The following TRIM71 variants were observed in gnomAD, a reference collection of about 807,000 sequenced individuals.
The protein encoded by TRIM71 is tripartite motif containing 71.
A neutral mutation model predicts 61.2 loss-of-function variants in TRIM71; 9 were observed. The ratio of observed to expected loss-of-function variants is 0.15; its 90% CI spans 0.09 to 0.26. The LOEUF is 0.26. Among genes scored for constraint, TRIM71 ranks in the 10% least tolerant of loss-of-function variants. The pLI is 1.00. For missense variants in TRIM71, 998 were observed against 1,238.7 expected, an observed-to-expected ratio of 0.81 and a Z score of 2.92; for synonymous variants, 645 against 553.2, an observed-to-expected ratio of 1.17 and a Z score of -2.33.
intron 2 of TRIM71, among the ~76,000 whole-genome samples, chr3:32,880,587 C>T (rs1031676865): frequency 6.6e-6 from 1 of 152,094 alleles, no homozygotes; most frequent in Non-Finnish European, 1.5e-5. Flanking sequence ...CTGGATTGTC[C>T]TATAAAGAGA....
At chr3:32,851,247 A>AG (rs1696535558) in intron 1 of TRIM71, among the ~76,000 whole-genome samples, 1 of 152,190 alleles carries the variant, frequency 6.6e-6, no homozygotes, top group Non-Finnish European at 1.5e-5. Context: ...TGAAATTTGA[A>AG]TTTCAGGCTA....
At chr3:32,883,578 A>T (rs1696931116) in intron 2 of TRIM71, among the ~76,000 whole-genome samples, 1 of 152,204 alleles carries the variant, frequency 6.6e-6, no homozygotes, top group Admixed American at 6.5e-5. Flanking sequence ...TTAAGATTCA[A>T]CTTAATCTAC....
rs1289755821 is a variant in TRIM71 at position 32,892,205 on chromosome 3, T to A, written c.*394T>A. 1 of 175,778 alleles carries A rather than the reference T, an allele frequency of 5.7e-6. No homozygotes were observed. Among genetic ancestry groups the A allele is most frequent in the African/African-American group, 2.4e-5 (1 of 41,666 alleles). The allele number at this position is 175,778 out of a possible 1,614,324, so 10.9% of individuals were successfully genotyped here. On this transcript the variant is annotated 3_prime_UTR_variant, in exon 4 of 4. Coordinates refer to ENST00000383763, the MANE Select transcript of TRIM71 (RefSeq NM_001039111.3). ...TGGCTGGGAGGGCACTGGATGTGTG[T>A]GGTGGGGTGTATTCTGTAGATTGAG...
At chr3:32,882,755 T>C (rs990798771) in intron 2 of TRIM71, among the ~76,000 whole-genome samples, 2 of 152,166 alleles carry the variant, frequency 1.3e-5, no homozygotes, top group Middle Eastern at 3.2e-3. Flanking sequence ...TTGGCCAGGC[T>C]GATCTCAAAC....
At chr3:32,826,737 C>T (rs957795894) in intron 1 of TRIM71, among the ~76,000 whole-genome samples, 2 of 150,862 alleles carry the variant, frequency 1.3e-5, no homozygotes, top group African/African-American at 4.9e-5. Flanking sequence ...TGAGCCACCA[C>T]ACCCGGTCAG....
At chr3:32,847,396 C>T (rs970068470) in intron 1 of TRIM71, among the ~76,000 whole-genome samples, 2 of 152,022 alleles carry the variant, frequency 1.3e-5, no homozygotes, top group African/African-American at 4.8e-5. Flanking sequence ...GGTTTCTCCA[C>T]GTTGGTCAGG....
intron 1 of TRIM71, among the ~76,000 whole-genome samples, chr3:32,851,214 T>C (rs1042265940): frequency 3.3e-5 from 5 of 152,218 alleles, no homozygotes; most frequent in African/African-American, 1.2e-4. Flanking sequence ...TCTCACTTTT[T>C]AGAAAATTTC....
At chr3:32,830,708 A>T (rs1325922394) in intron 1 of TRIM71, among the ~76,000 whole-genome samples, 1 of 152,190 alleles carries the variant, frequency 6.6e-6, no homozygotes, top group Non-Finnish European at 1.5e-5. Flanking sequence ...GTTGGGTTTG[A>T]CCCTCAGAAG....
rs9873337 is a variant in TRIM71 at position 32,890,173 on chromosome 3, C to A, written c.1156-187C>A. On this transcript the variant is annotated intron_variant, in intron 3 of 3. Transcript: ENST00000383763. The surrounding 1 kb of genome is among the most constrained non-coding windows in gnomAD (Gnocchi z 6.2). ...AGTAACTATCCTCTGTAACCCAGAA[C>A]AGTTCTTCAGGTTTTTTGGTCCATT... Among the ~76,000 whole-genome samples, 1 of 152,126 alleles carries A rather than the reference C, an allele frequency of 6.6e-6. No individual in the cohort carries two copies. The highest frequency in any genetic ancestry group is 6.5e-5 in the Admixed American group (1 of 15,284).
chr3:32,851,879 T>TC (rs1157784302), intron 1 of TRIM71, among the ~76,000 whole-genome samples: 2 of 152,284 alleles, frequency 1.3e-5, no homozygotes, highest in East Asian at 3.9e-4. Flanking sequence ...GCAAAACAGG[T>TC]CTGAAGAGTA....
At position 32,893,555 on chromosome 3, in the gene TRIM71, C is replaced by T. The variant is rs185895448; in HGVS notation, c.*1744C>T. On this transcript the variant is annotated 3_prime_UTR_variant, in exon 4 of 4. Transcript: ENST00000383763. ...GGGAAAAGAGGGACTCTCAAACAAA[C>T]GTCAGTGACTTACAAGGGAGACCTC... is the stretch of plus-strand genomic sequence containing the variant. 3 of 152,308 alleles carry T rather than the reference C, an allele frequency of 2.0e-5. No individual in the cohort carries two copies. Among genetic ancestry groups the T allele is most frequent in the East Asian group, 1.9e-4 (1 of 5,170 alleles). The allele number at this position is 152,308 out of a possible 1,614,324, so 9.4% of individuals were successfully genotyped here. A position where few individuals can be genotyped will look rare whatever the true frequency, so the allele number is the denominator to read the frequency against.
Position 32,818,317 on chromosome 3 carries a change from C to A in TRIM71, c.237C>A (p.Gly79=). The change falls in exon 1 of 4, where the codon GGC becomes GGA. Residue 79 remains glycine, a synonymous_variant. Coordinates refer to ENST00000383763, the MANE Select transcript of TRIM71 (RefSeq NM_001039111.3). ...CLEAHRLPAA[G]GGAAGEPLKL... is the part of the protein sequence containing the mutation. ...AGGCGCACCGGCTGCCGGCGGCGGG[C>A]GGCGGCGCGGCGGGAGAGCCGCTCA... The A allele has an allele frequency of 7.0e-7, 1 of 1,436,744 alleles. No homozygotes were observed. The highest frequency in any genetic ancestry group is 9.1e-7 in the Non-Finnish European group (1 of 1,100,552). The allele number at this position is 1,436,744 out of a possible 1,614,324, so 89.0% of individuals were successfully genotyped here. A position where few individuals can be genotyped will look rare whatever the true frequency, so the allele number is the denominator to read the frequency against.
intron 1 of TRIM71, among the ~76,000 whole-genome samples, chr3:32,829,659 T>TGTGTGTGTGTGTGTGTGC (rs1696246437): frequency 6.6e-6 from 1 of 152,082 alleles, no homozygotes; most frequent in East Asian, 1.9e-4. Context: ...TGTTTGTGTG[T>TGTGTGTGTGTGTGTGTGC]GCGTGTGTGT....
Position 32,818,297 on chromosome 3 carries a change from C to T in TRIM71, c.217C>T (p.His73Tyr). The stretch of plus-strand genomic sequence containing the variant: ...CTTCTGCCGCCCCTGCCTCGAGGCG[C>T]ACCGGCTGCCGGCGGCGGGCGGCGG... ...HAFCRPCLEAHRLPAAGGGAA... is the reference protein window; with the variant it reads ...HAFCRPCLEAYRLPAAGGGAA... The change falls in exon 1 of 4, where the codon CAC becomes TAC. Residue 73 changes from histidine (H) to tyrosine (Y), a missense_variant. Transcript: ENST00000383763. 7 of 1,433,728 alleles carry T rather than the reference C, an allele frequency of 4.9e-6. No homozygotes were observed. Among genetic ancestry groups the T allele is most frequent in the Non-Finnish European group, 6.4e-6 (7 of 1,100,208 alleles). 88.8% of individuals were successfully genotyped at this position (1,433,728 alleles called of 1,614,324 possible).
chr3:32,818,733 A>C lies in TRIM71; in HGVS notation c.653A>C (p.His218Pro). Residue 218 changes from histidine to proline, a missense_variant, in exon 1 of 4, where the codon CAC becomes CCC. His to Pro is a moderately conservative substitution (Grantham distance 77). Coordinates refer to ENST00000383763, the MANE Select transcript of TRIM71 (RefSeq NM_001039111.3). ...TCGCGCTGCCTCGACTGCCAGGAGC[A>C]CCTGTGCGACAACTGCGTCCGAGCG... is the stretch of plus-strand genomic sequence containing the variant. ...ASSRCLDCQE[H>P]LCDNCVRAHQ... 6.2e-7 allele frequency: 1 copy of C among 1,600,674 alleles called. No homozygotes were observed. The highest frequency in any genetic ancestry group is 1.7e-5 in the Admixed American group (1 of 59,526).
Position 32,818,525 on chromosome 3 carries a change from C to T in TRIM71, c.445C>T (p.His149Tyr). 1 of 1,400,094 alleles carries T rather than the reference C, an allele frequency of 7.1e-7. No individual in the cohort carries two copies. Among genetic ancestry groups the T allele is most frequent in the South Asian group, 1.4e-5 (1 of 70,430 alleles). The allele number at this position is 1,400,094 out of a possible 1,614,324, so 86.7% of individuals were successfully genotyped here. A position where few individuals can be genotyped will look rare whatever the true frequency, so the allele number is the denominator to read the frequency against. ...APAGAGGHSN[H>Y]RHHAHHAHPR... ...GGCGGGAGCGGGCGGCCACAGCAAC[C>T]ACCGGCACCACGCTCACCACGCGCA... Residue 149 changes from histidine to tyrosine, a missense_variant, in exon 1 of 4, where the codon CAC (histidine) becomes TAC (tyrosine). By Grantham distance (83) the His-to-Tyr change is moderately conservative. This residue lies in a region of TRIM71 where 527 missense variants were observed against 427.8 expected (regional missense o/e 1.23). Coordinates refer to ENST00000383763, the MANE Select transcript of TRIM71 (RefSeq NM_001039111.3).
At chr3:32,878,195 T>C (rs1204641084) in intron 2 of TRIM71, among the ~76,000 whole-genome samples, 2 of 152,268 alleles carry the variant, frequency 1.3e-5, no homozygotes, top group Admixed American at 6.5e-5. Flanking sequence ...AAAACAACTT[T>C]CGTGTCCTTG....
At position 32,868,450 on chromosome 3, in the gene TRIM71, A is replaced by G. The variant is rs558812747; in HGVS notation, c.853-5368A>G. 1.5e-4 allele frequency among the ~76,000 whole-genome samples: 23 copies of G among 152,298 alleles called. 1 individual carries two copies. Among genetic ancestry groups the G allele is most frequent in the Middle Eastern group, 3.4e-3 (1 of 294 alleles). The stretch of plus-strand genomic sequence containing the variant: ...TGCTTGCGATTTTTCAAAAATCAGG[A>G]AACAGTTTTACAATTTTATTAGCCT... On this transcript the variant is annotated intron_variant, in intron 1 of 3. Transcript: ENST00000383763.
chr3:32,868,915 C>T (rs948784227), intron 1 of TRIM71, among the ~76,000 whole-genome samples: 2 of 152,148 alleles, frequency 1.3e-5, no homozygotes, highest in African/African-American at 4.8e-5. Flanking sequence ...AGTTGTGGGG[C>T]AGCACGTGGC....
Sources: gnomAD v4.1 joint callset for allele counts (sites outside exome capture counted in the v4.1 genomes callset) on GRCh38, gnomAD v4.1.1 for gene constraint, gnomAD v4.1.1 regional missense constraint, Gnocchi (gnomAD v3.1) non-coding constraint, MANE v1.5 for transcripts, NCBI Gene and HGNC (gene_info 2026-07-23, HGNC 2026-07-21) for gene names.